DYNC2H1: variants seen among roughly 807,000 people sequenced by gnomAD.
The protein encoded by DYNC2H1 is cytoplasmic dynein 2 heavy chain 1.
In DYNC2H1, 410 loss-of-function variants were observed where a neutral mutation model predicts 570.0. The observed-to-expected ratio is 0.72, with a 90% CI of 0.66 to 0.78. The LOEUF (loss-of-function observed/expected upper bound fraction) is 0.78. Among genes scored for constraint, DYNC2H1 ranks in the 30% least tolerant of loss-of-function variants. DYNC2H1 has a pLI of 0.00. For synonymous variants in DYNC2H1, 1,688 were observed against 1,677.6 expected (o/e 1.01, Z -0.15); for missense variants, 4,865 against 5,046.4 (o/e 0.96, Z 1.09).
At position 103,468,673 on chromosome 11, in the gene DYNC2H1, G is replaced by A. The variant is rs748289417; in HGVS notation, c.12733G>A (p.Val4245Met). The A allele has an allele frequency of 1.9e-5, 30 of 1,613,382 alleles. No individual in the cohort carries two copies. The highest frequency in any genetic ancestry group is 2.0e-5 in the Non-Finnish European group (24 of 1,179,606). Residue 4245 changes from valine (V) to methionine (M), a missense_variant, in exon 88 of 89, where the codon GTG (valine) becomes ATG (methionine). Physicochemically the swap from Val to Met is conservative, Grantham distance 21 (BLOSUM62 1). Coordinates refer to ENST00000375735, the MANE Select transcript of DYNC2H1 (RefSeq NM_001377.3). ...GCTTGATTCTCCCAGCGTGTCATCAGTGCTCCCTTGTTTTATGGGCTGGAT... is the reference window on the plus strand; with the variant it reads ...GCTTGATTCTCCCAGCGTGTCATCAATGCTCCCTTGTTTTATGGGCTGGAT... ...NQLDSPSVSS[V>M]LPCFMGWIPQ...
Position 103,115,213 on chromosome 11 carries a change from T to C in DYNC2H1, c.539T>C (p.Ile180Thr), listed in dbSNP as rs886047559. The change falls in exon 4 of 89, where the codon ATA becomes ACA. Residue 180 changes from isoleucine (I) to threonine (T), a missense_variant. Transcript: ENST00000375735. ...LTPSDEFQFW[I>T]EQAHRGNKQI... ...CCAAGCGATGAGTTCCAGTTTTGGA[T>C]AGAACAAGCTCACCGTGGAAATAAA... The C allele has an allele frequency of 1.2e-5, 20 of 1,610,996 alleles. No individual in the cohort carries two copies. Among genetic ancestry groups the C allele is most frequent in the African/African-American group, 5.3e-5 (4 of 74,846 alleles).
At chr11:103,396,055 C>T (rs2135631489) in intron 83 of DYNC2H1, among the ~76,000 whole-genome samples, 1 of 152,238 alleles carries the variant, frequency 6.6e-6, no homozygotes, top group African/African-American at 2.4e-5. Context: ...TCATAGAAAA[C>T]ATACATTGAA....
intron 87 of DYNC2H1, among the ~76,000 whole-genome samples, chr11:103,460,215 T>C (rs963305421): frequency 6.6e-6 from 1 of 152,080 alleles, no homozygotes; most frequent in Admixed American, 6.6e-5. Flanking sequence ...CTATTACTGG[T>C]GGGTCATACA....
intron 54 of DYNC2H1, among the ~76,000 whole-genome samples, chr11:103,213,871 G>A (rs1009275199): frequency 6.6e-6 from 1 of 152,096 alleles, no homozygotes; most frequent in African/African-American, 2.4e-5. Flanking sequence ...TGTTGCCTAT[G>A]CTTTTGAGGT....
intron 79 of DYNC2H1, among the ~76,000 whole-genome samples, chr11:103,314,458 CT>C (rs1937696531): frequency 6.6e-6 from 1 of 151,860 alleles, no homozygotes; most frequent in East Asian, 1.9e-4. Context: ...CATATATATT[CT>C]TTTCAACTTT....
At chr11:103,429,243 AGAGT>A (rs1411372508) in intron 84 of DYNC2H1, among the ~76,000 whole-genome samples, 1 of 144,024 alleles carries the variant, frequency 6.9e-6, no homozygotes, top group Non-Finnish European at 1.5e-5. Flanking sequence ...CCTGGGTGAC[AGAGT>A]GAGACCCTGT....
At chr11:103,373,250 T>C (rs996852450) in intron 83 of DYNC2H1, among the ~76,000 whole-genome samples, 6 of 152,136 alleles carry the variant, frequency 3.9e-5, no homozygotes, top group Non-Finnish European at 8.8e-5. Flanking sequence ...TTTTAATTGA[T>C]AATTTATCTT....
intron 83 of DYNC2H1, among the ~76,000 whole-genome samples, chr11:103,390,313 T>C (rs934590754): frequency 8.6e-5 from 13 of 150,842 alleles, no homozygotes; most frequent in Admixed American, 3.3e-4. Context: ...GAGACTAGGA[T>C]TGCAACCCCT....
chr11:103,235,841 A>G, intron 62 of DYNC2H1, 28 bp downstream of exon 62: 3 of 1,607,912 alleles, frequency 1.9e-6, no homozygotes, highest in Non-Finnish European at 2.6e-6. Flanking sequence ...CCTGATCTTG[A>G]GAGTTTGTAT....
Position 103,115,129 on chromosome 11 carries a change from T to G in DYNC2H1, c.503-48T>G, listed in dbSNP as rs746107930. The G allele has an allele frequency of 1.1e-5, 15 of 1,390,998 alleles. No homozygotes were observed. The East Asian group carries it at 3.6e-4, about 33-fold the overall frequency. 86.2% of individuals were successfully genotyped at this position (1,390,998 alleles called of 1,614,324 possible). ...GCTCTGCTGTTTTGTATTCATTTTT[T>G]TTTCTCTGATATTCTATGCCATTTT... is the stretch of plus-strand genomic sequence containing the variant. On this transcript the variant is annotated intron_variant, in intron 3 of 88. Transcript: ENST00000375735.
intron 70 of DYNC2H1, among the ~76,000 whole-genome samples, chr11:103,273,712 C>T (rs1410905219): frequency 6.6e-6 from 1 of 152,076 alleles, no homozygotes; most frequent in Non-Finnish European, 1.5e-5. Context: ...GCTTTCTTTG[C>T]CATTTCCAGC....
intron 84 of DYNC2H1, among the ~76,000 whole-genome samples, chr11:103,421,181 A>AGATAG (rs1943474583): frequency 6.6e-6 from 1 of 152,206 alleles, no homozygotes; most frequent in Non-Finnish European, 1.5e-5. Flanking sequence ...AGAGCTAACT[A>AGATAG]TCTCAAATAG....
rs767512026 is a variant in DYNC2H1 at position 103,163,179 on chromosome 11, G to T, written c.4611+32G>T. ...GGGCTTACGTGTAGAAGCTACATAG[G>T]CATGGAACGTGGAAAGATCCCTGAC... On this transcript the variant is annotated intron_variant, in intron 30 of 88. Transcript: ENST00000375735. The surrounding 1 kb of genome is among the most constrained non-coding windows in gnomAD (Gnocchi z 4.6). 1 of 1,592,838 alleles carries T rather than the reference G, an allele frequency of 6.3e-7. No individual in the cohort carries two copies. The highest frequency in any genetic ancestry group is 1.2e-5 in the South Asian group (1 of 86,478).
At chr11:103,408,292 C>T (rs1188555858) in intron 84 of DYNC2H1, 2 of 151,918 alleles carry the variant, frequency 1.3e-5, no homozygotes, top group Non-Finnish European at 2.9e-5. Flanking sequence ...TGTATATAGC[C>T]TAAGATTTTT....
intron 50 of DYNC2H1, among the ~76,000 whole-genome samples, chr11:103,202,048 A>T (rs1372688639): frequency 6.6e-6 from 1 of 152,154 alleles, no homozygotes; most frequent in Non-Finnish European, 1.5e-5. Flanking sequence ...CTTTGGTTAA[A>T]TAATAAGTAA....
Position 103,177,837 on chromosome 11 carries a change from ACTT to A in DYNC2H1, c.6139+21_6139+23del. The A allele has an allele frequency of 6.3e-7, 1 of 1,581,600 alleles. No individual in the cohort carries two copies. The highest frequency in any genetic ancestry group is 1.4e-5 in the African/African-American group (1 of 72,872). On this transcript the variant is annotated intron_variant, in intron 38 of 88. Transcript: ENST00000375735. This position sits in a 1 kb window ranked among gnomAD's most constrained non-coding sequence, Gnocchi z 4.4. ...AACCTCAAGGTTAGTCTCTATGTAT[ACTT>A]CTTTGCTTTACTTAGTAATTCTTAG...
chr11:103,178,424 A>G (rs1472908465), intron 38 of DYNC2H1, among the ~76,000 whole-genome samples: 5 of 152,216 alleles, frequency 3.3e-5, no homozygotes, highest in Non-Finnish European at 7.4e-5. Context: ...ATAATACCAC[A>G]TTAAGTAAAG....
In DYNC2H1 at chr11:103,135,620, A is replaced by G. The variant is rs777665838; in HGVS notation, c.2331A>G (p.Ile777Met). ...ATGAGAATTTGCCAGAAATAAATAT[A>G]GACTTAACTTACAAGTAAGATGTTT... Reference protein sequence around the residue: ...ALNENLPEINIDLTYKQGRLQ... With the variant: ...ALNENLPEINMDLTYKQGRLQ... The change falls in exon 16 of 89, where the codon ATA becomes ATG. Residue 777 changes from isoleucine to methionine, a missense_variant. This residue lies in a region of DYNC2H1 where 1,936 missense variants were observed against 1,962.1 expected (regional missense o/e 0.99). Transcript: ENST00000375735. 1.2e-6 allele frequency: 2 copies of G among 1,612,898 alleles called. No individual in the cohort carries two copies. The highest frequency in any genetic ancestry group is 2.2e-5 in the South Asian group (2 of 90,644).
chr11:103,459,953 C>T (rs1250177440), intron 87 of DYNC2H1, among the ~76,000 whole-genome samples: 1 of 113,914 alleles, frequency 8.8e-6, no homozygotes, highest in Non-Finnish European at 1.6e-5. Flanking sequence ...AGCGAGACTC[C>T]GTCTCAAAAA....
Sources: gnomAD v4.1 joint callset for allele counts (sites outside exome capture counted in the v4.1 genomes callset) on GRCh38, gnomAD v4.1.1 for gene constraint, gnomAD v4.1.1 regional missense constraint, Gnocchi (gnomAD v3.1) non-coding constraint, MANE v1.5 for transcripts, NCBI Gene and HGNC (gene_info 2026-07-23, HGNC 2026-07-21) for gene names.